Variants in FAM184A observed in about 807,000 individuals in gnomAD.
FAM184A encodes family with sequence similarity 184 member A.
A neutral mutation model predicts 143.8 loss-of-function variants in FAM184A; 99 were observed. That is an observed-to-expected ratio of 0.69 (90% confidence interval 0.58 to 0.81). FAM184A has a LOEUF of 0.81. Among genes scored for constraint, FAM184A ranks in the 40% least tolerant of loss-of-function variants. The probability of loss-of-function intolerance (pLI) is 0.00; values close to 1 mark genes in which losing one functional copy is unlikely to be tolerated. For synonymous variants in FAM184A, 427 were observed against 446.4 expected (o/e 0.96, Z 0.55); for missense variants, 1,217 against 1,310.5 (o/e 0.93, Z 1.10).
intron 1 of FAM184A, among the ~76,000 whole-genome samples, chr6:119,035,368 A>AT (rs1786069619): frequency 6.6e-6 from 1 of 152,222 alleles, no homozygotes; most frequent in Non-Finnish European, 1.5e-5. Context: ...TAAAACAATG[A>AT]TTTTAAGACT....
chr6:118,960,287 C>T (rs1249519722), intron 17 of FAM184A, 103 bp from the exon 18 acceptor site: 1 of 879,302 alleles, frequency 1.1e-6, no homozygotes, highest in Non-Finnish European at 1.8e-6. Flanking sequence ...CAACGGGTTC[C>T]CCATGTTGTA....
chr6:119,126,596 T>A (rs1371042532), intron 1 of FAM184A, among the ~76,000 whole-genome samples: 2 of 151,882 alleles, frequency 1.3e-5, no homozygotes, highest in Non-Finnish European at 2.9e-5. Flanking sequence ...AGAGGGGGAG[T>A]ACCTGTGACT....
At chr6:119,098,285 G>A (rs1482673378) in intron 1 of FAM184A, among the ~76,000 whole-genome samples, 1 of 152,142 alleles carries the variant, frequency 6.6e-6, no homozygotes, top group Admixed American at 6.5e-5. Flanking sequence ...CCAGCCACGT[G>A]GAACTGTGAG....
At chr6:119,055,596 G>A (rs1273123485) in intron 1 of FAM184A, among the ~76,000 whole-genome samples, 1 of 152,198 alleles carries the variant, frequency 6.6e-6, no homozygotes, top group East Asian at 1.9e-4. Context: ...TGTGTGTGAA[G>A]TGGTATCGCA....
intron 1 of FAM184A, among the ~76,000 whole-genome samples, chr6:119,094,600 G>T (rs1788457183): frequency 1.3e-5 from 2 of 152,106 alleles, no homozygotes; most frequent in Admixed American, 1.3e-4. Flanking sequence ...ATACCATCCC[G>T]AGGGGATGCT....
At chr6:119,124,747 T>G (rs1789311668) in intron 1 of FAM184A, among the ~76,000 whole-genome samples, 1 of 47,204 alleles carries the variant, frequency 2.1e-5, no homozygotes, top group East Asian at 1.6e-3. Context: ...AAATAAACTA[T>G]GGCCCTAATT....
At chr6:119,023,552 TCCGCCC>T (rs753595938) in intron 2 of FAM184A, among the ~76,000 whole-genome samples, 1 of 13,984 alleles carries the variant, frequency 7.2e-5, no homozygotes, top group African/African-American at 1.9e-4. Flanking sequence ...AGCAATATTG[TCCGCCC>T]CCCCCCCCAG....
intron 6 of FAM184A, among the ~76,000 whole-genome samples, chr6:119,007,761 C>T (rs938709260): frequency 7.9e-5 from 12 of 151,854 alleles, no homozygotes; most frequent in African/African-American, 1.7e-4. Context: ...GCCAACATGG[C>T]GAAACCCCGT....
At chr6:118,980,079 A>G (rs1783974832) in intron 10 of FAM184A, 59 bp downstream of exon 10, 1 of 1,469,002 alleles carries the variant, frequency 6.8e-7, no homozygotes, top group Non-Finnish European at 9.4e-7. Context: ...TTTTAATTTG[A>G]AGACTAATTA....
Position 119,078,066 on chromosome 6 carries a change from T to G in FAM184A, c.159+75A>C, listed in dbSNP as rs1334452126. On this transcript the variant is annotated intron_variant, in intron 1 of 17. Transcript: ENST00000338891. The surrounding 1 kb of genome is among the most constrained non-coding windows in gnomAD (Gnocchi z 5.5). ...CCCTCGCTGCGGGCGCAGGGCGCAC[T>G]GCCTCCCGGGGAGACAGGTGAGTCC... The G allele has an allele frequency of 6.0e-6, 9 of 1,497,698 alleles. No homozygotes were observed. The Admixed American group carries it at 1.5e-4, about 24-fold the overall frequency. The allele number at this position is 1,497,698 out of a possible 1,614,324, so 92.8% of individuals were successfully genotyped here. A position where few individuals can be genotyped will look rare whatever the true frequency, so the allele number is the denominator to read the frequency against.
At chr6:119,119,695 G>A (rs1484994668) in intron 1 of FAM184A, among the ~76,000 whole-genome samples, 1 of 152,144 alleles carries the variant, frequency 6.6e-6, no homozygotes, top group Non-Finnish European at 1.5e-5. Flanking sequence ...TTGAGGCTAG[G>A]TGTCGTGGCT....
chr6:119,145,257 C>T (rs1772388511), intron 1 of FAM184A, among the ~76,000 whole-genome samples: 1 of 152,206 alleles, frequency 6.6e-6, no homozygotes, highest in East Asian at 1.9e-4. Context: ...CCCCAGGTTG[C>T]AGCAACAGCT....
chr6:119,115,899 G>C (rs1789046017), intron 1 of FAM184A, among the ~76,000 whole-genome samples: 1 of 151,950 alleles, frequency 6.6e-6, no homozygotes. Flanking sequence ...AACCCAGGAG[G>C]TGGAGGTTGC....
chr6:119,136,940 A>G (rs145406456), intron 1 of FAM184A, among the ~76,000 whole-genome samples: 1 of 152,346 alleles, frequency 6.6e-6, no homozygotes, highest in East Asian at 1.9e-4. Context: ...GGGGACATTG[A>G]TGCTGGACTG....
intron 9 of FAM184A, among the ~76,000 whole-genome samples, chr6:118,986,762 T>A (rs1423563122): frequency 6.6e-6 from 1 of 152,268 alleles, no homozygotes; most frequent in East Asian, 1.9e-4. Flanking sequence ...CAATTAATTT[T>A]AAAAATAATC....
intron 1 of FAM184A, among the ~76,000 whole-genome samples, chr6:119,137,874 C>A (rs1410577828): frequency 6.6e-6 from 1 of 152,218 alleles, no homozygotes; most frequent in Admixed American, 6.5e-5. Flanking sequence ...GCAGTCACTG[C>A]TCCAGTCTTT....
intron 1 of FAM184A, among the ~76,000 whole-genome samples, chr6:119,085,432 A>G (rs1788194178): frequency 6.6e-6 from 1 of 152,218 alleles, no homozygotes; most frequent in Non-Finnish European, 1.5e-5. Flanking sequence ...CCAGTTTCCA[A>G]TAATTCCTCA....
intron 9 of FAM184A, among the ~76,000 whole-genome samples, chr6:118,981,269 T>C (rs980702161): frequency 6.6e-6 from 1 of 152,228 alleles, no homozygotes; most frequent in African/African-American, 2.4e-5. Flanking sequence ...CCTATTTCTA[T>C]TCTCATACAC....
Position 119,060,855 on chromosome 6 carries a change from CCT to C in FAM184A, c.159+17284_159+17285del, listed in dbSNP as rs199826783. Among the ~76,000 whole-genome samples the C allele has an allele frequency of 9.3e-3, 1,411 of 152,252 alleles. 22 individuals carry two copies. The highest frequency in any genetic ancestry group is 0.048 in the Middle Eastern group (14 of 292). On this transcript the variant is annotated intron_variant, in intron 1 of 17. Coordinates refer to ENST00000338891, the MANE Select transcript of FAM184A (RefSeq NM_024581.6). ...TGTGTTCCATCGTGAGTAAAAGCTC[CCT>C]GAGGCCTCCCCAGAAGCAGAAGCCG...
Sources: gnomAD v4.1 joint callset for allele counts (sites outside exome capture counted in the v4.1 genomes callset) on GRCh38, gnomAD v4.1.1 for gene constraint, Gnocchi (gnomAD v3.1) non-coding constraint, MANE v1.5 for transcripts, NCBI Gene and HGNC (gene_info 2026-07-23, HGNC 2026-07-21) for gene names.